Variants in USP4 observed in about 807,000 individuals in gnomAD.
USP4 encodes ubiquitin specific peptidase 4, also known as ubiquitin carboxyl-terminal hydrolase 4.
USP4 carries 72 observed loss-of-function variants against 118.2 expected under a neutral mutation model. The ratio of observed to expected loss-of-function variants is 0.61; its 90% CI spans 0.50 to 0.74. The LOEUF is 0.74. Ranked by LOEUF, USP4 falls within the 30% of genes least tolerant of loss-of-function variation. The pLI is 0.00. For synonymous variants in USP4, 415 were observed against 440.4 expected, an observed-to-expected ratio of 0.94 and a Z score of 0.72; for missense variants, 1,037 against 1,185.7, an observed-to-expected ratio of 0.87 and a Z score of 1.84.
intron 8 of USP4, 123 bp downstream of exon 8, chr3:49,310,497 A>G: frequency 1.2e-6 from 1 of 806,406 alleles, no homozygotes; most frequent in East Asian, 2.4e-5. Flanking sequence ...AGCAGAGACT[A>G]CTGAAGCACC....
intron 19 of USP4, among the ~76,000 whole-genome samples, chr3:49,283,135 C>G (rs1231657900): frequency 6.7e-6 from 1 of 149,934 alleles, no homozygotes; most frequent in Admixed American, 6.7e-5. Context: ...CCTGCCTCAG[C>G]CTCCTGAGTA....
intron 15 of USP4, among the ~76,000 whole-genome samples, chr3:49,289,796 C>T (rs2047132841): frequency 6.6e-6 from 1 of 151,070 alleles, no homozygotes; most frequent in Non-Finnish European, 1.5e-5. Context: ...GAGACTCAGT[C>T]TCAAAAAAAA....
rs1419540599 is a variant in USP4, at chr3:49,302,517, T to A, written c.1154A>T (p.Gln385Leu). The A allele has an allele frequency of 6.2e-7, 1 of 1,613,838 alleles. No individual in the cohort carries two copies. The highest frequency in any genetic ancestry group is 8.5e-7 in the Non-Finnish European group (1 of 1,179,978). ...ATCTTGTTGCTGGTAGCCAGAAAAT[T>A]GAGGAGCAAAACGTCCTACTTGAGT... ...FKTQVGRFAPQFSGYQQQDSQ... is the reference protein window; with the variant it reads ...FKTQVGRFAPLFSGYQQQDSQ... The change falls in exon 10 of 22, where the codon CAA becomes CTA. Residue 385 changes from glutamine to leucine, a missense_variant. Gln to Leu is a moderately radical substitution (Grantham distance 113, BLOSUM62 -2). Coordinates refer to ENST00000265560, the MANE Select transcript of USP4 (RefSeq NM_003363.4).
At chr3:49,286,014 A>G in intron 16 of USP4, 84 bp downstream of exon 16, 3 of 1,317,996 alleles carry the variant, frequency 2.3e-6, no homozygotes, top group East Asian at 2.4e-5. Flanking sequence ...TGAAAGCCCA[A>G]TGCAGTGAGT....
At chr3:49,307,467 T>A (rs2047331212) in intron 8 of USP4, among the ~76,000 whole-genome samples, 2 of 152,022 alleles carry the variant, frequency 1.3e-5, no homozygotes, top group Non-Finnish European at 2.9e-5. Flanking sequence ...TTTTTTTAAT[T>A]TTTAGAGATA....
intron 1 of USP4, 79 bp from the exon 2 acceptor site, chr3:49,335,675 T>A: frequency 6.4e-7 from 1 of 1,554,918 alleles, no homozygotes; most frequent in African/African-American, 1.4e-5. Flanking sequence ...ATCTTTTTTA[T>A]GGTCCTTCCA....
Position 49,278,916 on chromosome 3 carries a change from A to G in USP4, c.2645-14T>C. The G allele has an allele frequency of 6.3e-7, 1 of 1,584,308 alleles. No individual in the cohort carries two copies. Among genetic ancestry groups the G allele is most frequent in the South Asian group, 1.1e-5 (1 of 88,802 alleles). On this transcript the variant is annotated splice_polypyrimidine_tract_variant and intron_variant, in intron 20 of 21. Transcript: ENST00000265560. ...CATATGCAGTGTCTGCCAAGTCAAC[A>G]AAGAAAATACTCTAGCGGTCTCCAG...
chr3:49,299,541 C>T (rs1395153651), intron 11 of USP4, among the ~76,000 whole-genome samples: 2 of 151,456 alleles, frequency 1.3e-5, no homozygotes, highest in African/African-American at 2.4e-5. Flanking sequence ...TACAGGCGCC[C>T]GCCACCATGC....
rs549875180 is a variant in USP4 at position 49,279,793 on chromosome 3, C to T, written c.2645-891G>A. ...AGGGCAACAGAGAAGGTGCCCAAGG[C>T]CAGTTCACACAGTCTGTGCTTGACA... is the stretch of plus-strand genomic sequence containing the variant. On this transcript the variant is annotated intron_variant, in intron 20 of 21. Coordinates refer to ENST00000265560, the MANE Select transcript of USP4 (RefSeq NM_003363.4). Among the ~76,000 whole-genome samples, 19 of 152,282 alleles carry T rather than the reference C, an allele frequency of 1.2e-4. No individual in the cohort carries two copies. The East Asian group carries it at 3.3e-3, about 26-fold the overall frequency.
chr3:49,335,338 G>T, intron 2 of USP4, 131 bp downstream of exon 2: 1 of 1,280,836 alleles, frequency 7.8e-7, no homozygotes, highest in Non-Finnish European at 1.1e-6. Context: ...TTCTGCTATA[G>T]ATGCAAAATG....
chr3:49,290,013 T>G (rs568668007), intron 15 of USP4, among the ~76,000 whole-genome samples: 1 of 152,246 alleles, frequency 6.6e-6, no homozygotes, highest in Admixed American at 6.5e-5. Flanking sequence ...TCCTGGCTAC[T>G]CAGGTGGATG....
chr3:49,317,314 A>G, intron 6 of USP4: 3 of 1,403,110 alleles, frequency 2.1e-6, no homozygotes, highest in Non-Finnish European at 3.0e-6. Flanking sequence ...CTTCTCTGTC[A>G]GCTGCCTCAC....
At position 49,297,927 on chromosome 3, in the gene USP4, T is replaced by G. The variant is rs61754208; in HGVS notation, c.1634A>C (p.Lys545Thr). 8 of 1,614,178 alleles carry G rather than the reference T, an allele frequency of 5.0e-6. 1 individual carries two copies. The South Asian group carries it at 8.8e-5, about 18-fold the overall frequency. The change falls in exon 13 of 22, where the codon AAA becomes ACA. Residue 545 changes from lysine to threonine, a missense_variant. Lys to Thr is a moderately conservative substitution (Grantham distance 78). Transcript: ENST00000265560. ...TAAACCTTCATCCATTTGGAAAATT[T>G]TGTGGAATCGGTGATTATACACATC... ...VADVYNHRFH[K>T]IFQMDEGLNH...
chr3:49,302,593 A>C (rs763722677), intron 9 of USP4, 51 bp from the exon 10 acceptor site: 42 of 1,561,572 alleles, frequency 2.7e-5, no homozygotes, highest in Non-Finnish European at 3.5e-5. Context: ...AGAACTAGTT[A>C]AATCAAAAAA....
At chr3:49,301,133 G>T (rs1201501468) in intron 10 of USP4, among the ~76,000 whole-genome samples, 1 of 151,894 alleles carries the variant, frequency 6.6e-6, no homozygotes, top group African/African-American at 2.4e-5. Context: ...AGGGATGGGG[G>T]TCTTACTATG....
chr3:49,311,671 G>GA lies in USP4; in HGVS notation c.696-18dup. On this transcript the variant is annotated splice_polypyrimidine_tract_variant and intron_variant, in intron 6 of 21. Coordinates refer to ENST00000265560, the MANE Select transcript of USP4 (RefSeq NM_003363.4). The stretch of plus-strand genomic sequence containing the variant: ...GTGCTTGATCTGGGAGAGAGAAGCA[G>GA]AAACAATGCTACTGACTTTTTGCAA... 6.2e-7 allele frequency: 1 copy of GA among 1,612,674 alleles called. No homozygotes were observed. The highest frequency in any genetic ancestry group is 8.5e-7 in the Non-Finnish European group (1 of 1,179,290).
At position 49,313,396 on chromosome 3, in the gene USP4, C is replaced by T. The variant is rs1395935144; in HGVS notation, c.696-1742G>A. On this transcript the variant is annotated intron_variant, in intron 6 of 21. Coordinates refer to ENST00000265560, the MANE Select transcript of USP4 (RefSeq NM_003363.4). ...AAAAAAAATTAGCCAGGCCTAGTGG[C>T]GCATGCCTGTAATCCCAGCTACTTG... is the stretch of plus-strand genomic sequence containing the variant. 3.3e-5 allele frequency among the ~76,000 whole-genome samples: 5 copies of T among 151,984 alleles called. No homozygotes were observed. In the East Asian group the frequency reaches 5.8e-4, roughly 18 times the overall value.
At chr3:49,319,601 G>GTTTA (rs2047478506) in intron 6 of USP4, among the ~76,000 whole-genome samples, 1 of 150,134 alleles carries the variant, frequency 6.7e-6, no homozygotes, top group East Asian at 2.0e-4. Flanking sequence ...TACTAAACAT[G>GTTTA]TTTGTTTGTT....
chr3:49,317,073 A>G (rs1559475596), intron 6 of USP4: 4 of 1,242,038 alleles, frequency 3.2e-6, no homozygotes, highest in Admixed American at 1.9e-5. Flanking sequence ...GGCCCTGCCC[A>G]TGGTCTGGTC....
Sources: gnomAD v4.1 joint callset for allele counts (sites outside exome capture counted in the v4.1 genomes callset) on GRCh38, gnomAD v4.1.1 for gene constraint, MANE v1.5 for transcripts, NCBI Gene and HGNC (gene_info 2026-07-23, HGNC 2026-07-21) for gene names.